WWOX: variants seen among roughly 807,000 people sequenced by gnomAD.
WWOX encodes WW domain containing oxidoreductase, also known as WW domain-containing oxidoreductase.
WWOX carries 69 observed loss-of-function variants against 46.2 expected under a neutral mutation model. The observed-to-expected ratio is 1.49, with a 90% CI of 1.23 to 1.82. WWOX has a LOEUF of 1.82. Among genes scored for constraint, WWOX ranks in the 40% most tolerant of loss-of-function variants. WWOX has a pLI of 0.00. For missense variants in WWOX, 919 were observed against 542.6 expected, an observed-to-expected ratio of 1.69 and a Z score of -6.89; for synonymous variants, 359 against 202.6, an observed-to-expected ratio of 1.77 and a Z score of -6.56.
At position 78,593,964 on chromosome 16, in the gene WWOX, C is replaced by G. The variant is rs548031509; in HGVS notation, c.1056+161212C>G. ...TTAGTTTGCGTCTTTGTCCCACTAT[C>G]ATTATATCCAACTTGTGTAATTAGA... On this transcript the variant is annotated intron_variant, in intron 8 of 8. Coordinates refer to ENST00000566780, the MANE Select transcript of WWOX (RefSeq NM_016373.4). Among the ~76,000 whole-genome samples the G allele has an allele frequency of 9.9e-5, 15 of 152,272 alleles. 1 individual carries two copies. Among genetic ancestry groups the G allele is most frequent in the Admixed American group, 8.5e-4 (13 of 15,290 alleles).
chr16:78,641,997 AAG>A (rs1269147401), intron 8 of WWOX, among the ~76,000 whole-genome samples: 6 of 152,294 alleles, frequency 3.9e-5, no homozygotes, highest in East Asian at 1.9e-4. Context: ...GGAAAATGCA[AAG>A]AGGGGGAAAA....
At chr16:79,197,749 C>T (rs144542055) in intron 8 of WWOX, among the ~76,000 whole-genome samples, 2 of 152,190 alleles carry the variant, frequency 1.3e-5, no homozygotes, top group East Asian at 3.9e-4. Flanking sequence ...GTGGTGAAAA[C>T]ACAAACACCC....
chr16:79,151,961 T>C (rs763862939), intron 8 of WWOX, among the ~76,000 whole-genome samples: 6 of 152,194 alleles, frequency 3.9e-5, no homozygotes, highest in Non-Finnish European at 7.3e-5. Context: ...TCTGAGTCTT[T>C]AAAAGGCAAC....
intron 6 of WWOX, among the ~76,000 whole-genome samples, chr16:78,401,564 A>T (rs1323185808): frequency 6.6e-6 from 1 of 152,010 alleles, no homozygotes; most frequent in East Asian, 1.9e-4. Flanking sequence ...GTCTGGAGAG[A>T]CCTTAAGTCT....
Position 78,874,498 on chromosome 16 carries a change from G to GCCAGAC in WWOX, c.1057-337110_1057-337109insCCAGAC, listed in dbSNP as rs1262779983. Among the ~76,000 whole-genome samples, 13 of 152,092 alleles carry GCCAGAC rather than the reference G, an allele frequency of 8.5e-5. No homozygotes were observed. In the South Asian group the frequency reaches 1.9e-3, roughly 22 times the overall value. ...TATGGACTTGTCTGAGCCTGATGTG[G>GCCAGAC]TGCCTGGCCAGGGCTCACTGCAGCG... On this transcript the variant is annotated intron_variant, in intron 8 of 8. Transcript: ENST00000566780.
intron 8 of WWOX, among the ~76,000 whole-genome samples, chr16:78,901,916 C>T (rs1437723997): frequency 6.6e-6 from 1 of 152,222 alleles, no homozygotes; most frequent in Middle Eastern, 3.2e-3. Context: ...AGGGGCGTCC[C>T]TCCGCACCTC....
At chr16:78,559,945 C>G (rs2044394581) in intron 8 of WWOX, among the ~76,000 whole-genome samples, 1 of 152,140 alleles carries the variant, frequency 6.6e-6, no homozygotes. Flanking sequence ...TCTCCTGAAT[C>G]TACGTTTTTC....
chr16:78,342,982 T>G lies in WWOX; in HGVS notation c.517-43878T>G, dbSNP rs1223440392. ...CCTTGCAGATGACAATAAAGGTATT[T>G]TGGCACATAAAAAAACTGCTCAGCA... On this transcript the variant is annotated intron_variant, in intron 5 of 8. Transcript: ENST00000566780. 1.1e-4 allele frequency among the ~76,000 whole-genome samples: 13 copies of G among 121,068 alleles called. 1 individual carries two copies. Among genetic ancestry groups the G allele is most frequent in the African/African-American group, 3.6e-4 (13 of 35,690 alleles). 79.4% of individuals were successfully genotyped at this position (121,068 alleles called of 152,430 possible). A position where few individuals can be genotyped will look rare whatever the true frequency, so the allele number is the denominator to read the frequency against.
At chr16:79,173,407 C>T (rs948759730) in intron 8 of WWOX, among the ~76,000 whole-genome samples, 6 of 152,194 alleles carry the variant, frequency 3.9e-5, no homozygotes, top group African/African-American at 7.2e-5. Context: ...GGGTCTCTTT[C>T]ACACACCCAC....
intron 8 of WWOX, among the ~76,000 whole-genome samples, chr16:78,620,077 A>G (rs2046140337): frequency 6.6e-6 from 1 of 152,146 alleles, no homozygotes; most frequent in African/African-American, 2.4e-5. Context: ...CTAATTAATA[A>G]TGAGTTAGAA....
In WWOX at chr16:79,182,653, C is replaced by G. The variant is rs370988372; in HGVS notation, c.1057-28955C>G. Among the ~76,000 whole-genome samples the G allele has an allele frequency of 4.7e-4, 71 of 152,274 alleles. 2 individuals carry two copies. In the South Asian group the frequency reaches 0.014, roughly 30 times the overall value. ...GCCTGGGTTCAAATCCTGACCCCTC[C>G]TCTTGCAAGCTTGTGACACCGGGCA... On this transcript the variant is annotated intron_variant, in intron 8 of 8. Coordinates refer to ENST00000566780, the MANE Select transcript of WWOX (RefSeq NM_016373.4).
intron 8 of WWOX, among the ~76,000 whole-genome samples, chr16:78,946,880 A>C (rs1428085976): frequency 6.6e-6 from 1 of 152,146 alleles, no homozygotes; most frequent in Non-Finnish European, 1.5e-5. Flanking sequence ...ACAAGAGGAC[A>C]TCACACGATG....
intron 8 of WWOX, among the ~76,000 whole-genome samples, chr16:78,597,313 C>G (rs780032860): frequency 6.6e-6 from 1 of 152,178 alleles, no homozygotes; most frequent in African/African-American, 2.4e-5. Flanking sequence ...TTAGCACCTA[C>G]TGTGTGCCGG....
chr16:78,431,393 G>C (rs2083213644), intron 7 of WWOX, among the ~76,000 whole-genome samples: 1 of 152,010 alleles, frequency 6.6e-6, no homozygotes, highest in African/African-American at 2.4e-5. Flanking sequence ...AAGAGTCTTG[G>C]AGACAACAAG....
intron 8 of WWOX, among the ~76,000 whole-genome samples, chr16:78,449,364 C>G (rs181226184): frequency 6.6e-6 from 1 of 152,110 alleles, no homozygotes; most frequent in Non-Finnish European, 1.5e-5. Context: ...TGAGTCTGAT[C>G]GTTGTTAAAG....
At chr16:78,948,688 C>G (rs372749139) in intron 8 of WWOX, among the ~76,000 whole-genome samples, 13 of 152,246 alleles carry the variant, frequency 8.5e-5, no homozygotes, top group African/African-American at 3.1e-4. Flanking sequence ...AGGGGAGCCA[C>G]TTTTGGGGCT....
At chr16:78,109,312 C>T (rs1328292575) in intron 2 of WWOX, among the ~76,000 whole-genome samples, 2 of 151,768 alleles carry the variant, frequency 1.3e-5, no homozygotes, top group Admixed American at 1.3e-4. Flanking sequence ...CATAGTGAGA[C>T]CCCATCTCAA....
chr16:78,561,474 A>G (rs982013575), intron 8 of WWOX, among the ~76,000 whole-genome samples: 5 of 152,164 alleles, frequency 3.3e-5, no homozygotes. Context: ...AAATCCCTTC[A>G]TGACAGTACC....
chr16:79,155,641 T>C (rs1357023105), intron 8 of WWOX, among the ~76,000 whole-genome samples: 1 of 146,526 alleles, frequency 6.8e-6, no homozygotes, highest in East Asian at 2.0e-4. Flanking sequence ...ACAGTGCGCA[T>C]GAATTGCTTG....
Sources: allele counts gnomAD v4.1 joint callset (sites outside exome capture counted in the v4.1 genomes callset), GRCh38; gene constraint gnomAD v4.1.1; transcripts MANE v1.5; gene names NCBI Gene and HGNC (gene_info 2026-07-23, HGNC 2026-07-21).